The following RAI2 variants were observed in gnomAD, a reference collection of about 807,000 sequenced individuals.
RAI2 encodes retinoic acid-induced protein 2.
A neutral mutation model predicts 15.3 loss-of-function variants in RAI2; 5 were observed. The observed-to-expected ratio is 0.33, with a 90% CI of 0.17 to 0.69. The LOEUF (loss-of-function observed/expected upper bound fraction) is 0.69. Ranked by LOEUF, RAI2 falls within the 30% of genes least tolerant of loss-of-function variation. RAI2 has a pLI of 0.69. For synonymous variants in RAI2, 191 were observed against 184.0 expected (o/e 1.04, Z -0.31); for missense variants, 424 against 424.7 (o/e 1.00, Z 0.01).
chrX:17,857,496 C>G (rs2067627575), intron 1 of RAI2, among the ~76,000 whole-genome samples: 1 of 112,018 alleles, frequency 8.9e-6, no homozygotes, highest in South Asian at 3.8e-4. Context: ...CCCTCGTGGA[C>G]TTTGAGTTAG....
chrX:17,860,584 T>C (rs896329125), intron 1 of RAI2: 1 of 112,135 alleles, frequency 8.9e-6, no homozygotes, highest in African/African-American at 3.2e-5. Context: ...AACCCAACTT[T>C]CCACCAGGCT....
At position 17,808,018 on chromosome X, in the gene RAI2, C is replaced by T. The variant is rs777870269; in HGVS notation, c.-24-5984G>A. On this transcript the variant is annotated intron_variant, in intron 1 of 1. Coordinates refer to ENST00000451717, the MANE Select transcript of RAI2 (RefSeq NM_021785.6). ...CAACTGGCGGCCCAAGGGTCGCATGCGGCCCAGACGGCTTTGAATGCGGCC... is the reference window on the plus strand; with the variant it reads ...CAACTGGCGGCCCAAGGGTCGCATGTGGCCCAGACGGCTTTGAATGCGGCC... Among the ~76,000 whole-genome samples, 4 of 112,215 alleles carry T rather than the reference C, an allele frequency of 3.6e-5. No individual in the cohort carries two copies. In the South Asian group the frequency reaches 1.1e-3, roughly 31 times the overall value.
chrX:17,833,724 T>C (rs766987709), intron 1 of RAI2, among the ~76,000 whole-genome samples: 11 of 112,096 alleles, frequency 9.8e-5, no homozygotes, highest in Middle Eastern at 4.6e-3. Flanking sequence ...TCAACTTGTA[T>C]ATTTAAGATG....
At chrX:17,855,705 G>A (rs868066771) in intron 1 of RAI2, among the ~76,000 whole-genome samples, 1 of 111,813 alleles carries the variant, frequency 8.9e-6, no homozygotes, top group Non-Finnish European at 1.9e-5. Context: ...TTGCTCCAGA[G>A]CAGCTCTGTC....
intron 1 of RAI2, among the ~76,000 whole-genome samples, chrX:17,809,510 T>C (rs1232839513): frequency 8.9e-6 from 1 of 112,140 alleles, no homozygotes; most frequent in Non-Finnish European, 1.9e-5. Context: ...TGTTTTATCA[T>C]CTAATCTTTT....
chrX:17,851,151 G>A (rs766056639), intron 1 of RAI2, among the ~76,000 whole-genome samples: 2 of 112,389 alleles, frequency 1.8e-5, no homozygotes, highest in African/African-American at 6.5e-5. Context: ...TGGTGTGGCT[G>A]TGTCGAACAT....
At chrX:17,847,130 A>G (rs1252233610) in intron 1 of RAI2, among the ~76,000 whole-genome samples, 2 of 111,890 alleles carry the variant, frequency 1.8e-5, no homozygotes, top group East Asian at 5.6e-4. Flanking sequence ...CCCAGTCTCA[A>G]GTATGTCTTT....
Position 17,857,350 on chromosome X carries a change from A to G in RAI2, c.-25+3748T>C, listed in dbSNP as rs763581163. Among the ~76,000 whole-genome samples the G allele has an allele frequency of 2.7e-5, 3 of 111,854 alleles. No homozygotes were observed. The East Asian group carries it at 8.5e-4, about 32-fold the overall frequency. ...CAGAATTTCTAGGAGTTTGAAGACT[A>G]CCACCTGGTTGGAAGGGGGCTACGG... On this transcript the variant is annotated intron_variant, in intron 1 of 1. Coordinates refer to ENST00000451717, the MANE Select transcript of RAI2 (RefSeq NM_021785.6).
chrX:17,820,788 G>T (rs914148405), intron 1 of RAI2, among the ~76,000 whole-genome samples: 7 of 111,280 alleles, frequency 6.3e-5, no homozygotes, highest in Non-Finnish European at 1.1e-4. Flanking sequence ...AGTGAATGCT[G>T]AACACAGAAT....
chrX:17,821,905 T>C (rs1212529842), intron 1 of RAI2, among the ~76,000 whole-genome samples: 1 of 110,536 alleles, frequency 9.0e-6, no homozygotes, highest in African/African-American at 3.3e-5. Context: ...ACAAACAGTA[T>C]ATTGAAATAG....
At chrX:17,822,489 G>A (rs751133227) in intron 1 of RAI2, among the ~76,000 whole-genome samples, 21 of 111,654 alleles carry the variant, frequency 1.9e-4, no homozygotes, top group Admixed American at 4.7e-4. Flanking sequence ...TCTCTGCCTC[G>A]TCTATGGCAA....
At chrX:17,851,172 G>A (rs1245619032) in intron 1 of RAI2, among the ~76,000 whole-genome samples, 1 of 112,238 alleles carries the variant, frequency 8.9e-6, no homozygotes, top group Non-Finnish European at 1.9e-5. Flanking sequence ...GGAAGGGCAG[G>A]GCAGAATTGG....
intron 1 of RAI2, among the ~76,000 whole-genome samples, chrX:17,810,105 G>A (rs901467696): frequency 9.0e-6 from 1 of 111,018 alleles, no homozygotes; most frequent in African/African-American, 3.3e-5. Context: ...AGGAACCTGA[G>A]GCTCAGAGGA....
chrX:17,803,643 T>C (rs185808454), intron 1 of RAI2, among the ~76,000 whole-genome samples: 255 of 112,591 alleles, frequency 2.3e-3, no homozygotes, highest in African/African-American at 7.7e-3. Context: ...ATGTGTCACA[T>C]GCACAGAACA....
chrX:17,823,591 T>A lies in RAI2; in HGVS notation c.-24-21557A>T, dbSNP rs757575542. On this transcript the variant is annotated intron_variant, in intron 1 of 1. Coordinates refer to ENST00000451717, the MANE Select transcript of RAI2 (RefSeq NM_021785.6). ...GTGGGGACCTGATGCAGGATTTTCA[T>A]CAGGCTAGACTCTCTAGGATAAAGG... Among the ~76,000 whole-genome samples, 4 of 111,568 alleles carry A rather than the reference T, an allele frequency of 3.6e-5. No individual in the cohort carries two copies. The East Asian group carries it at 1.1e-3, about 32-fold the overall frequency.
intron 1 of RAI2, among the ~76,000 whole-genome samples, chrX:17,832,974 TCTTG>T (rs2067299029): frequency 9.0e-6 from 1 of 111,709 alleles, no homozygotes; most frequent in Non-Finnish European, 1.9e-5. Flanking sequence ...GGCACATCAT[TCTTG>T]CTTATTTCTA....
At chrX:17,858,109 A>C (rs769354526) in intron 1 of RAI2, among the ~76,000 whole-genome samples, 68 of 111,774 alleles carry the variant, frequency 6.1e-4, no homozygotes, top group Non-Finnish European at 1.1e-3. Context: ...TACAACGTCT[A>C]TGTGAGATGG....
intron 1 of RAI2, among the ~76,000 whole-genome samples, chrX:17,848,566 A>C (rs931668796): frequency 9.1e-6 from 1 of 110,406 alleles, no homozygotes; most frequent in Non-Finnish European, 1.9e-5. Context: ...TGACATCACA[A>C]TCTCCTTCCA....
At chrX:17,842,961 C>A (rs2067416445) in intron 1 of RAI2, among the ~76,000 whole-genome samples, 2 of 111,826 alleles carry the variant, frequency 1.8e-5, no homozygotes. Context: ...TATAGTAACA[C>A]CCAATGATAT....
Sources: gnomAD v4.1 joint callset for allele counts (sites outside exome capture counted in the v4.1 genomes callset) on GRCh38, gnomAD v4.1.1 for gene constraint, MANE v1.5 for transcripts, NCBI Gene and HGNC (gene_info 2026-07-23, HGNC 2026-07-21) for gene names.